MYO1D: variants seen among roughly 807,000 people sequenced by gnomAD.
MYO1D encodes the protein unconventional myosin-Id.
MYO1D carries 83 observed loss-of-function variants against 122.0 expected under a neutral mutation model. The ratio of observed to expected loss-of-function variants is 0.68; its 90% CI spans 0.57 to 0.82. The LOEUF is 0.82. Among genes scored for constraint, MYO1D ranks in the 40% least tolerant of loss-of-function variants. The probability of loss-of-function intolerance (pLI) is 0.00; values close to 1 mark genes in which losing one functional copy is unlikely to be tolerated. For missense variants in MYO1D, 1,157 were observed against 1,269.5 expected, an observed-to-expected ratio of 0.91 and a Z score of 1.35; for synonymous variants, 464 against 446.9, an observed-to-expected ratio of 1.04 and a Z score of -0.48.
At chr17:32,823,373 A>G (rs1295432990) in intron 1 of MYO1D, among the ~76,000 whole-genome samples, 1 of 152,140 alleles carries the variant, frequency 6.6e-6, no homozygotes, top group African/African-American at 2.4e-5. Context: ...TTATATACAT[A>G]TATATATAAA....
At chr17:32,828,190 T>C (rs552536789) in intron 1 of MYO1D, among the ~76,000 whole-genome samples, 11 of 152,158 alleles carry the variant, frequency 7.2e-5, no homozygotes, top group African/African-American at 2.4e-4. Context: ...GTAAGTAAAT[T>C]GGATTCTGTT....
chr17:32,656,682 A>T (rs1567933199), intron 17 of MYO1D, among the ~76,000 whole-genome samples: 1 of 152,226 alleles, frequency 6.6e-6, no homozygotes, highest in African/African-American at 2.4e-5. Context: ...CCAACACTCC[A>T]ACAAGACAGA....
chr17:32,617,487 C>G (rs2087787384), intron 20 of MYO1D, among the ~76,000 whole-genome samples: 1 of 152,126 alleles, frequency 6.6e-6, no homozygotes, highest in African/African-American at 2.4e-5. Context: ...TTGGCCTGGG[C>G]TGGAGTGCAA....
intron 21 of MYO1D, among the ~76,000 whole-genome samples, chr17:32,539,400 A>C (rs931740136): frequency 6.6e-6 from 1 of 151,980 alleles, no homozygotes; most frequent in Admixed American, 6.6e-5. Context: ...TTAGTTTCTT[A>C]TGGCTGCTGT....
chr17:32,713,493 T>C (rs983462818), intron 15 of MYO1D, among the ~76,000 whole-genome samples: 1 of 152,194 alleles, frequency 6.6e-6, no homozygotes, highest in Non-Finnish European at 1.5e-5. Flanking sequence ...TTCTAGTTAT[T>C]CTGGCACACA....
At chr17:32,583,848 G>A (rs1443554135) in intron 21 of MYO1D, among the ~76,000 whole-genome samples, 1 of 151,586 alleles carries the variant, frequency 6.6e-6, no homozygotes, top group Non-Finnish European at 1.5e-5. Context: ...CAAGTGATCT[G>A]CCCGCCCCAA....
intron 10 of MYO1D, among the ~76,000 whole-genome samples, chr17:32,759,331 T>C (rs2089977955): frequency 6.6e-6 from 1 of 152,062 alleles, no homozygotes; most frequent in South Asian, 2.1e-4. Context: ...AAGCTATTTG[T>C]TATATCACTG....
At chr17:32,661,101 G>C (rs960886176) in intron 16 of MYO1D, among the ~76,000 whole-genome samples, 6 of 152,154 alleles carry the variant, frequency 3.9e-5, no homozygotes, top group African/African-American at 1.4e-4. Flanking sequence ...CATTTTATAA[G>C]TAAGTACTTT....
intron 1 of MYO1D, among the ~76,000 whole-genome samples, chr17:32,793,167 T>G (rs535973467): frequency 6.6e-6 from 1 of 151,716 alleles, no homozygotes; most frequent in East Asian, 2.0e-4. Context: ...AGTGCAGCAC[T>G]CAAGCTCTTG....
chr17:32,609,472 CT>C (rs1401692479), intron 20 of MYO1D, among the ~76,000 whole-genome samples: 1 of 152,162 alleles, frequency 6.6e-6, no homozygotes, highest in Admixed American at 6.5e-5. Flanking sequence ...TATTAAATAA[CT>C]GAAGAAAAAC....
At chr17:32,747,666 G>A (rs946130585) in intron 12 of MYO1D, among the ~76,000 whole-genome samples, 40 of 151,846 alleles carry the variant, frequency 2.6e-4, no homozygotes, top group African/African-American at 6.0e-4. Context: ...GTGAAACCCC[G>A]TCTCCACTAA....
Position 32,580,554 on chromosome 17 carries a change from C to T in MYO1D, c.2864+24533G>A, listed in dbSNP as rs528672791. Among the ~76,000 whole-genome samples the T allele has an allele frequency of 3.7e-4, 56 of 151,388 alleles. 1 individual carries two copies. Among genetic ancestry groups the T allele is most frequent in the African/African-American group, 6.3e-4 (26 of 41,246 alleles). On this transcript the variant is annotated intron_variant, in intron 21 of 21. Transcript: ENST00000318217. Reference sequence around the variant, plus strand: ...CCTCCTGAGTAGCTGGGACTACAGGCGCCCGCCACCAGGCCCAGCTAATTT... The same window carrying T: ...CCTCCTGAGTAGCTGGGACTACAGGTGCCCGCCACCAGGCCCAGCTAATTT...
chr17:32,833,694 C>T (rs1435168935), intron 1 of MYO1D, among the ~76,000 whole-genome samples: 1 of 152,280 alleles, frequency 6.6e-6, no homozygotes, highest in Non-Finnish European at 1.5e-5. Flanking sequence ...CCTCTTCACA[C>T]ACGCTTCACT....
intron 21 of MYO1D, among the ~76,000 whole-genome samples, chr17:32,571,333 C>T (rs746320919): frequency 1.1e-4 from 16 of 152,220 alleles, no homozygotes; most frequent in Admixed American, 7.8e-4. Flanking sequence ...CTGGCAACCC[C>T]GCCTCTGGCC....
intron 2 of MYO1D, among the ~76,000 whole-genome samples, chr17:32,779,523 G>A (rs947438497): frequency 6.6e-6 from 1 of 151,344 alleles, no homozygotes; most frequent in Non-Finnish European, 1.5e-5. Context: ...AATTATGACT[G>A]TATTTGTTTG....
At chr17:32,730,868 T>C (rs994382963) in intron 14 of MYO1D, among the ~76,000 whole-genome samples, 3 of 151,806 alleles carry the variant, frequency 2.0e-5, no homozygotes, top group African/African-American at 7.3e-5. Context: ...TCTGATAAGA[T>C]ACATGTTTGA....
rs140808130 is a variant in MYO1D, at chr17:32,551,912, AG to A, written c.2864+53174del. Among the ~76,000 whole-genome samples, 1,291 of 152,314 alleles carry A rather than the reference AG, an allele frequency of 8.5e-3. 8 individuals are homozygous for A. Among genetic ancestry groups the A allele is most frequent in the Non-Finnish European group, 0.012 (824 of 68,026 alleles). ...TGGCTATCTGCTTTGTCCTTAGCCT[AG>A]AAGCATGTTCAAATCTCCTCCAGTA... is the stretch of plus-strand genomic sequence containing the variant. On this transcript the variant is annotated intron_variant, in intron 21 of 21. Coordinates refer to ENST00000318217, the MANE Select transcript of MYO1D (RefSeq NM_015194.3).
chr17:32,773,097 CTG>C (rs1176922861), intron 4 of MYO1D, among the ~76,000 whole-genome samples: 1 of 152,234 alleles, frequency 6.6e-6, no homozygotes, highest in African/African-American at 2.4e-5. Flanking sequence ...GCTCTTTGCT[CTG>C]TGAGAAAGAC....
chr17:32,747,183 C>T (rs1180221849), intron 12 of MYO1D, among the ~76,000 whole-genome samples: 1 of 152,110 alleles, frequency 6.6e-6, no homozygotes, highest in Admixed American at 6.6e-5. Flanking sequence ...TGATTTAAAT[C>T]AGGAACAGCT....
Sources: allele counts gnomAD v4.1 joint callset (sites outside exome capture counted in the v4.1 genomes callset), GRCh38; gene constraint gnomAD v4.1.1; transcripts MANE v1.5; gene names NCBI Gene and HGNC (gene_info 2026-07-23, HGNC 2026-07-21).